The following SMYD1 variants were observed in gnomAD, a reference collection of about 807,000 sequenced individuals.
The protein encoded by SMYD1 is histone-lysine N-methyltransferase SMYD1.
Under a neutral mutation model 54.0 loss-of-function variants are expected in SMYD1, and 49 were observed. The ratio of observed to expected loss-of-function variants is 0.91; its 90% CI spans 0.72 to 1.15. The LOEUF is 1.15. Ranked by LOEUF, SMYD1 falls within the 50% of genes most tolerant of loss-of-function variation. The pLI, the probability that SMYD1 is intolerant of heterozygous loss-of-function variation, is 0.00. For synonymous variants in SMYD1, 269 were observed against 234.2 expected, an observed-to-expected ratio of 1.15 and a Z score of -1.36; for missense variants, 653 against 639.6, an observed-to-expected ratio of 1.02 and a Z score of -0.23.
intron 4 of SMYD1, 87 bp downstream of exon 4, chr2:88,091,229 C>T (rs947744350): frequency 2.9e-6 from 4 of 1,390,538 alleles, no homozygotes; most frequent in South Asian, 1.4e-5. Flanking sequence ...CAAAGTCAAC[C>T]TGCTAAACCT....
In SMYD1 at chr2:88,096,670, T is replaced by C. The variant is rs1674596584; in HGVS notation, c.774T>C (p.Val258=). The C allele has an allele frequency of 6.2e-7, 1 of 1,614,188 alleles. No individual in the cohort carries two copies. The change falls in exon 6 of 10, where the codon GTT becomes GTC. Residue 258 remains valine (V), a synonymous_variant. Transcript: ENST00000419482. The part of the protein sequence containing the change: ...LTVSYIDFLN[V]SEERKRQLKK... ...TGTCCTATATTGACTTCCTCAACGT[T>C]AGTGAAGAACGCAAGAGGCAGCTGA...
chr2:88,107,167 C>T (rs1216435913), intron 8 of SMYD1, among the ~76,000 whole-genome samples: 3 of 151,956 alleles, frequency 2.0e-5, no homozygotes, highest in African/African-American at 4.8e-5. Context: ...CGCCACTGCA[C>T]TCCAGCCTGG....
At chr2:88,105,429 G>T (rs1674839938) in intron 7 of SMYD1, among the ~76,000 whole-genome samples, 1 of 151,932 alleles carries the variant, frequency 6.6e-6, no homozygotes, top group Admixed American at 6.6e-5. Flanking sequence ...TTGGTTCTAG[G>T]ACTGCCACAG....
At chr2:88,078,707 A>T (rs774335933) in intron 1 of SMYD1, among the ~76,000 whole-genome samples, 30 of 152,060 alleles carry the variant, frequency 2.0e-4, no homozygotes, top group Non-Finnish European at 1.5e-4. Flanking sequence ...CCCCCACCCC[A>T]CATACTAAAT....
At chr2:88,105,108 T>C (rs10208415) in intron 7 of SMYD1, among the ~76,000 whole-genome samples, 2 of 152,204 alleles carry the variant, frequency 1.3e-5, no homozygotes, top group Non-Finnish European at 2.9e-5. Context: ...GGGGTAGGAC[T>C]TGAACTTCAG....
intron 5 of SMYD1, among the ~76,000 whole-genome samples, chr2:88,096,069 G>A (rs1173649640): frequency 6.6e-6 from 1 of 152,192 alleles, no homozygotes; most frequent in Admixed American, 6.5e-5. Context: ...AGTCTCCTTA[G>A]GTAATTTGGC....
At chr2:88,083,700 C>G (rs1674252538) in intron 1 of SMYD1, among the ~76,000 whole-genome samples, 1 of 152,164 alleles carries the variant, frequency 6.6e-6, no homozygotes, top group African/African-American at 2.4e-5. Flanking sequence ...TTGTGGTATT[C>G]CCAGTGCCTA....
intron 8 of SMYD1, 118 bp from the exon 9 acceptor site, chr2:88,108,253 C>A: frequency 1.0e-6 from 1 of 986,690 alleles, no homozygotes; most frequent in Non-Finnish European, 1.4e-6. Flanking sequence ...AGAAGCCTTG[C>A]AGTGCTGAGG....
chr2:88,099,532 G>C (rs1481310526), intron 6 of SMYD1, among the ~76,000 whole-genome samples: 1 of 152,000 alleles, frequency 6.6e-6, no homozygotes, highest in African/African-American at 2.4e-5. Flanking sequence ...ATACCAGCCT[G>C]GACAATATGG....
intron 1 of SMYD1, chr2:88,083,237 C>T (rs544740156): frequency 6.6e-6 from 1 of 152,256 alleles, no homozygotes; most frequent in Non-Finnish European, 1.5e-5. Flanking sequence ...TTTCTCTTCC[C>T]CACATTGTGG....
At chr2:88,093,490 C>T (rs1674507930) in intron 4 of SMYD1, 27 bp from the exon 5 acceptor site, 2 of 1,613,990 alleles carry the variant, frequency 1.2e-6, no homozygotes, top group Non-Finnish European at 1.7e-6. Context: ...TAATGATTTC[C>T]ATATGGGTGT....
chr2:88,110,204 T>C (rs868443735), intron 9 of SMYD1, 150 bp from the exon 10 acceptor site: 1 of 654,454 alleles, frequency 1.5e-6, no homozygotes, highest in African/African-American at 2.0e-5. Context: ...TGAATGAGTG[T>C]GTGTGTGTGT....
At chr2:88,084,211 A>G (rs1674265229) in intron 1 of SMYD1, 105 bp from the exon 2 acceptor site, 2 of 936,508 alleles carry the variant, frequency 2.1e-6, no homozygotes, top group African/African-American at 1.6e-5. Context: ...TTAGATAAAT[A>G]AGGACCAGCC....
intron 5 of SMYD1, among the ~76,000 whole-genome samples, chr2:88,095,745 T>G (rs1241797556): frequency 6.6e-6 from 1 of 152,240 alleles, no homozygotes. Flanking sequence ...TGTAGCTGTC[T>G]GGCCTTGTGG....
chr2:88,076,680 C>T (rs1479759116), intron 1 of SMYD1, among the ~76,000 whole-genome samples: 1 of 152,078 alleles, frequency 6.6e-6, no homozygotes, highest in Non-Finnish European at 1.5e-5. Context: ...GTGAAGTTAT[C>T]TGGGTACTTG....
At chr2:88,090,425 GA>G (rs1674436249) in intron 3 of SMYD1, among the ~76,000 whole-genome samples, 1 of 152,164 alleles carries the variant, frequency 6.6e-6, no homozygotes, top group Admixed American at 6.5e-5. Flanking sequence ...AAATCACTTG[GA>G]TGCCACATCA....
intron 2 of SMYD1, among the ~76,000 whole-genome samples, chr2:88,087,614 C>T (rs994009700): frequency 2.6e-5 from 4 of 152,170 alleles, no homozygotes; most frequent in Admixed American, 1.3e-4. Context: ...AGCTTCCCCA[C>T]CCCAGTCACT....
At chr2:88,102,846 G>A (rs1254695925) in intron 6 of SMYD1, among the ~76,000 whole-genome samples, 5 of 152,158 alleles carry the variant, frequency 3.3e-5, no homozygotes, top group Non-Finnish European at 7.3e-5. Context: ...CAAGGGTCTG[G>A]GACTTGGCTT....
chr2:88,110,079 C>A (rs981472927), intron 9 of SMYD1, among the ~76,000 whole-genome samples: 1 of 152,176 alleles, frequency 6.6e-6, no homozygotes, highest in Non-Finnish European at 1.5e-5. Context: ...CCCCACTGGG[C>A]AGTTCCTGGG....
Sources: gnomAD v4.1 joint callset for allele counts (sites outside exome capture counted in the v4.1 genomes callset) on GRCh38, gnomAD v4.1.1 for gene constraint, MANE v1.5 for transcripts, NCBI Gene and HGNC (gene_info 2026-07-23, HGNC 2026-07-21) for gene names.